The following CPA6 variants were observed in gnomAD, a reference collection of about 807,000 sequenced individuals.
The protein encoded by CPA6 is carboxypeptidase A6, also known as carboxypeptidase B.
In CPA6, 58 loss-of-function variants were observed where a neutral mutation model predicts 63.3. That is an observed-to-expected ratio of 0.92 (90% CI 0.74 to 1.14). CPA6 has a LOEUF of 1.14. CPA6 is among the 50% of genes most tolerant of loss of function. CPA6 has a pLI of 0.00. For missense variants in CPA6, 565 were observed against 526.6 expected (o/e 1.07, Z -0.71); for synonymous variants, 185 against 179.0 (o/e 1.03, Z -0.27).
intron 2 of CPA6, among the ~76,000 whole-genome samples, chr8:67,570,418 C>A (rs1487083255): frequency 6.6e-6 from 1 of 152,138 alleles, no homozygotes; most frequent in Non-Finnish European, 1.5e-5. Context: ...ATAATCAGAA[C>A]ACTCTAGTAC....
chr8:67,708,831 T>C (rs1336971511), intron 1 of CPA6, among the ~76,000 whole-genome samples: 1 of 151,826 alleles, frequency 6.6e-6, no homozygotes, highest in East Asian at 1.9e-4. Flanking sequence ...AATATTAGAG[T>C]AGGGAGCTAG....
rs372452227 is a variant in CPA6, at chr8:67,556,248, T to G, written c.193-38201A>C. Reference sequence around the variant, plus strand: ...GTTCGTAGGAGCTCAGGAACAAGTTTAGGAAAGAGTGTTGCCACTGGTCTT... The same window carrying G: ...GTTCGTAGGAGCTCAGGAACAAGTTGAGGAAAGAGTGTTGCCACTGGTCTT... On this transcript the variant is annotated intron_variant, in intron 2 of 10. Transcript: ENST00000297770. Among the ~76,000 whole-genome samples the G allele has an allele frequency of 4.2e-4, 64 of 152,294 alleles. No homozygotes were observed. The South Asian group carries it at 0.012, about 30-fold the overall frequency.
At chr8:67,531,398 AAT>A (rs2128969058) in intron 2 of CPA6, among the ~76,000 whole-genome samples, 1 of 152,268 alleles carries the variant, frequency 6.6e-6, no homozygotes, top group East Asian at 1.9e-4. Context: ...AATGGTTGAA[AAT>A]TAAATAATGA....
intron 2 of CPA6, among the ~76,000 whole-genome samples, chr8:67,568,906 A>T (rs1813411939): frequency 6.6e-6 from 1 of 152,112 alleles, no homozygotes; most frequent in South Asian, 2.1e-4. Flanking sequence ...ACCCACCACC[A>T]TGCCCAGCTA....
intron 1 of CPA6, among the ~76,000 whole-genome samples, chr8:67,699,358 C>G (rs1376690590): frequency 6.6e-6 from 1 of 151,848 alleles, no homozygotes; most frequent in African/African-American, 2.4e-5. Flanking sequence ...GGAGGTTGCA[C>G]TGAGCTGGAG....
At chr8:67,665,018 A>G (rs989719428) in intron 1 of CPA6, among the ~76,000 whole-genome samples, 5 of 152,184 alleles carry the variant, frequency 3.3e-5, no homozygotes, top group African/African-American at 1.2e-4. Flanking sequence ...GTAACCCAGA[A>G]AATCCCAAGC....
At position 67,694,175 on chromosome 8, in the gene CPA6, C is replaced by T. The variant is rs540520306; in HGVS notation, c.116+51839G>A. On this transcript the variant is annotated intron_variant, in intron 1 of 10. Transcript: ENST00000297770. ...CTCTGTAACAGGCCAGGCAGCTGTG[C>T]AAACTGCTCTGCCACTTGGACTGTG... Among the ~76,000 whole-genome samples the T allele has an allele frequency of 5.9e-5, 9 of 152,352 alleles. No individual in the cohort carries two copies. The East Asian group carries it at 9.6e-4, about 16-fold the overall frequency.
In CPA6 at chr8:67,475,892, T is replaced by C. The variant is rs1237965062; in HGVS notation, c.838+7876A>G. Among the ~76,000 whole-genome samples the C allele has an allele frequency of 8.1e-4, 58 of 71,514 alleles. 2 individuals are homozygous for C. The highest frequency in any genetic ancestry group is 3.5e-3 in the African/African-American group (52 of 14,788). The allele number at this position is 71,514 out of a possible 152,430, so 46.9% of individuals were successfully genotyped here. On this transcript the variant is annotated intron_variant, in intron 8 of 10. Transcript: ENST00000297770. ...CTTTCTTTCTTTCTCCTTTCTTTCT[T>C]TCTTTCTTTCTTTCTTTCTTTCTTT...
chr8:67,552,155 G>A (rs1812952324), intron 2 of CPA6, among the ~76,000 whole-genome samples: 1 of 152,040 alleles, frequency 6.6e-6, no homozygotes, highest in African/African-American at 2.4e-5. Context: ...TCTGTCCCTT[G>A]CCTCCCACCT....
chr8:67,734,345 GAA>G (rs566419853), intron 1 of CPA6, among the ~76,000 whole-genome samples: 57 of 97,910 alleles, frequency 5.8e-4, no homozygotes, highest in African/African-American at 1.5e-3. Flanking sequence ...GGGCCCCATG[GAA>G]AAAAAAAAAA....
intron 1 of CPA6, among the ~76,000 whole-genome samples, chr8:67,678,304 GATC>G (rs1433061323): frequency 1.3e-5 from 2 of 151,108 alleles, no homozygotes; most frequent in Non-Finnish European, 2.9e-5. Context: ...CAGAAATTCT[GATC>G]ATCAAAAGAT....
chr8:67,643,807 TAG>T (rs1429797900), intron 1 of CPA6, among the ~76,000 whole-genome samples: 10 of 152,126 alleles, frequency 6.6e-5, no homozygotes, highest in Admixed American at 2.0e-4. Flanking sequence ...CTAGTACCGG[TAG>T]AAAATGTAGA....
At chr8:67,615,235 A>C (rs1814914825) in intron 2 of CPA6, among the ~76,000 whole-genome samples, 1 of 152,226 alleles carries the variant, frequency 6.6e-6, no homozygotes, top group African/African-American at 2.4e-5. Flanking sequence ...ACTTTAATTA[A>C]AAGAATCTTC....
intron 2 of CPA6, among the ~76,000 whole-genome samples, chr8:67,588,735 G>A (rs1442354940): frequency 6.6e-6 from 1 of 152,198 alleles, no homozygotes; most frequent in African/African-American, 2.4e-5. Context: ...ACTTTGCTGA[G>A]TCAGAATGTG....
chr8:67,697,696 T>C (rs192740102), intron 1 of CPA6, among the ~76,000 whole-genome samples: 3 of 152,236 alleles, frequency 2.0e-5, no homozygotes, highest in East Asian at 3.9e-4. Context: ...TAGAAATCTT[T>C]CATCAGGTAC....
chr8:67,521,552 A>G (rs952166992), intron 2 of CPA6, among the ~76,000 whole-genome samples: 1 of 152,248 alleles, frequency 6.6e-6, no homozygotes, highest in Non-Finnish European at 1.5e-5. Context: ...TTGCTATTTG[A>G]AAAGCATATG....
At chr8:67,447,015 CACACACACATATATAT>C (rs1185853770) in intron 8 of CPA6, among the ~76,000 whole-genome samples, 10,123 of 105,404 alleles carry the variant, frequency 0.096, 776 homozygotes, top group African/African-American at 0.26. Flanking sequence ...TATATATATA[CACACACACATATATAT>C]ACACACATAT....
At chr8:67,500,984 T>C (rs1466486456) in intron 6 of CPA6, among the ~76,000 whole-genome samples, 1 of 152,088 alleles carries the variant, frequency 6.6e-6, no homozygotes, top group African/African-American at 2.4e-5. Context: ...TGTCTTGAAA[T>C]TAGATAGAAT....
At chr8:67,432,790 A>T (rs1463883307) in intron 9 of CPA6, among the ~76,000 whole-genome samples, 1 of 152,170 alleles carries the variant, frequency 6.6e-6, no homozygotes, top group Non-Finnish European at 1.5e-5. Context: ...TGAACAGGTG[A>T]TAGTATGCAA....
Sources: allele counts gnomAD v4.1 joint callset (sites outside exome capture counted in the v4.1 genomes callset), GRCh38; gene constraint gnomAD v4.1.1; transcripts MANE v1.5; gene names NCBI Gene and HGNC (gene_info 2026-07-23, HGNC 2026-07-21).